PCDHGB2: variants seen among roughly 807,000 people sequenced by gnomAD.
PCDHGB2 encodes the protein protocadherin gamma subfamily B, 2.
PCDHGB2 carries 55 observed loss-of-function variants against 59.3 expected under a neutral mutation model. That is an observed-to-expected ratio of 0.93 (90% confidence interval 0.75 to 1.16). PCDHGB2 has a LOEUF of 1.16. Ranked by LOEUF, PCDHGB2 falls within the 50% of genes most tolerant of loss-of-function variation. The probability of loss-of-function intolerance (pLI) is 0.00; values close to 1 mark genes in which losing one functional copy is unlikely to be tolerated. For synonymous variants in PCDHGB2, 516 were observed against 512.0 expected, an observed-to-expected ratio of 1.01 and a Z score of -0.11; for missense variants, 1,228 against 1,198.5, an observed-to-expected ratio of 1.02 and a Z score of -0.36.
At chr5:141,374,243 C>T in intron 1 of PCDHGB2, 1 of 1,614,000 alleles carries the variant, frequency 6.2e-7, no homozygotes, top group East Asian at 2.2e-5. Context: ...GGATCTGGGA[C>T]TGGAGCCCCA....
At chr5:141,451,807 G>A (rs896081470) in intron 1 of PCDHGB2, among the ~76,000 whole-genome samples, 5 of 150,778 alleles carry the variant, frequency 3.3e-5, no homozygotes, top group African/African-American at 1.2e-4. Flanking sequence ...CTTGAACCCA[G>A]GAGGCGGAGG....
rs1485669709 is a variant in PCDHGB2 at position 141,432,989 on chromosome 5, G to A, written c.2422-61818G>A. On this transcript the variant is annotated intron_variant, in intron 1 of 3. Coordinates refer to ENST00000522605, the MANE Select transcript of PCDHGB2 (RefSeq NM_018923.3). The surrounding 1 kb of genome is among the most constrained non-coding windows in gnomAD (Gnocchi z 6.0). ...GCCGGCGTCGCACTTTGTGGGCGTG[G>A]ACGGGGTGCAGGCTTTCCTGCAGAC... The A allele has an allele frequency of 1.9e-6, 3 of 1,614,210 alleles. No individual in the cohort carries two copies. The highest frequency in any genetic ancestry group is 1.3e-5 in the African/African-American group (1 of 75,066).
intron 1 of PCDHGB2, chr5:141,400,143 T>G: frequency 6.2e-7 from 1 of 1,614,104 alleles, no homozygotes; most frequent in Non-Finnish European, 8.5e-7. Context: ...CGGATATCAC[T>G]GACCGCCCTG....
intron 1 of PCDHGB2, chr5:141,395,523 C>A: frequency 7.5e-6 from 3 of 400,150 alleles, no homozygotes; most frequent in Non-Finnish European, 1.3e-5. Flanking sequence ...CCCGTCCATA[C>A]TGGTAATTTT....
Position 141,389,842 on chromosome 5 carries a change from C to G in PCDHGB2, c.2421+27286C>G, listed in dbSNP as rs779733638. The G allele has an allele frequency of 3.7e-6, 6 of 1,613,900 alleles. No individual in the cohort carries two copies. In the Admixed American group the frequency reaches 8.3e-5, roughly 22 times the overall value. ...CGTGACGGTGGACAGCCACCACTCT[C>G]GGCCACTGCCACGTTGCACCTGGTC... On this transcript the variant is annotated intron_variant, in intron 1 of 3. Coordinates refer to ENST00000522605, the MANE Select transcript of PCDHGB2 (RefSeq NM_018923.3).
intron 1 of PCDHGB2, chr5:141,408,972 CT>C (rs1404896464): frequency 6.2e-7 from 1 of 1,613,870 alleles, no homozygotes; most frequent in Middle Eastern, 1.6e-4. Flanking sequence ...AATCTGCCCC[CT>C]GGGTCCCCTG....
chr5:141,393,019 G>A (rs1415257415), intron 1 of PCDHGB2: 1 of 1,613,746 alleles, frequency 6.2e-7, no homozygotes, highest in African/African-American at 1.3e-5. Flanking sequence ...ATCGTCTCCA[G>A]AGGTAGGACG....
In PCDHGB2 at chr5:141,472,816, G is replaced by A. The variant is rs1186234004; in HGVS notation, c.2422-21991G>A. On this transcript the variant is annotated intron_variant, in intron 1 of 3. Transcript: ENST00000522605. ...GCCTGACCAACATGGAGAAACCCCC[G>A]TCTCTACTAAAAATAGAAAATTAGC... 4.6e-5 allele frequency among the ~76,000 whole-genome samples: 7 copies of A among 151,374 alleles called. No individual in the cohort carries two copies. In the South Asian group the frequency reaches 6.2e-4, roughly 14 times the overall value.
rs375260597 is a variant in PCDHGB2 at position 141,388,655 on chromosome 5, G to C, written c.2421+26099G>C. On this transcript the variant is annotated intron_variant, in intron 1 of 3. Coordinates refer to ENST00000522605, the MANE Select transcript of PCDHGB2 (RefSeq NM_018923.3). Reference sequence around the variant, plus strand: ...TGAGCCTTTCAGAAAACGTGTACCCGGGGACCACGGTGCTACAGGTGACTG... The same window carrying C: ...TGAGCCTTTCAGAAAACGTGTACCCCGGGACCACGGTGCTACAGGTGACTG... The C allele has an allele frequency of 1.9e-6, 3 of 1,613,808 alleles. No individual in the cohort carries two copies. In the African/African-American group the frequency reaches 4.0e-5, roughly 22 times the overall value.
Position 141,361,442 on chromosome 5 carries a change from T to A in PCDHGB2, c.1307T>A (p.Ile436Lys). The change falls in exon 1 of 4, where the codon ATA becomes AAA. Residue 436 changes from isoleucine (I) to lysine (K), a missense_variant. Ile to Lys is a moderately radical substitution (Grantham distance 102, BLOSUM62 -3). Around this residue, in one of 3 missense-constraint regions of PCDHGB2, gnomAD observed 781 missense variants for 721.6 expected, o/e 1.08. Transcript: ENST00000522605. ...DGGKPPLSSS[I>K]IVTLHISDVN... ...GGCAAGCCGCCCCTCTCCTCCAGCATAATTGTCACCCTGCACATCTCCGAC... is the reference window on the plus strand; with the variant it reads ...GGCAAGCCGCCCCTCTCCTCCAGCAAAATTGTCACCCTGCACATCTCCGAC... 1 of 1,613,990 alleles carries A rather than the reference T, an allele frequency of 6.2e-7. No individual in the cohort carries two copies.
chr5:141,449,389 T>C (rs577860793), intron 1 of PCDHGB2, among the ~76,000 whole-genome samples: 5 of 151,964 alleles, frequency 3.3e-5, no homozygotes, highest in African/African-American at 1.2e-4. Flanking sequence ...GGTGGATTAC[T>C]TGAGGCCAGG....
intron 2 of PCDHGB2, among the ~76,000 whole-genome samples, chr5:141,505,172 A>C (rs1336105711): frequency 6.6e-6 from 1 of 152,178 alleles, no homozygotes; most frequent in Non-Finnish European, 1.5e-5. Context: ...AAACAAAAAG[A>C]AAAAAGCATC....
intron 1 of PCDHGB2, chr5:141,382,963 A>T (rs1778642004): frequency 6.2e-7 from 1 of 1,606,674 alleles, no homozygotes. Context: ...CCTCCTGGGG[A>T]CCCCCTGGGA....
chr5:141,470,021 C>T (rs111919483), intron 1 of PCDHGB2, among the ~76,000 whole-genome samples: 8 of 152,156 alleles, frequency 5.3e-5, no homozygotes, highest in African/African-American at 1.9e-4. Flanking sequence ...CCCAGCTACT[C>T]GGGATGCTGA....
chr5:141,404,908 C>T, intron 1 of PCDHGB2: 1 of 1,613,882 alleles, frequency 6.2e-7, no homozygotes, highest in Non-Finnish European at 8.5e-7. Context: ...ATGGCCAGCC[C>T]CCTCTCTCGG....
chr5:141,369,254 T>A (rs1743165923), intron 1 of PCDHGB2, among the ~76,000 whole-genome samples: 1 of 152,160 alleles, frequency 6.6e-6, no homozygotes, highest in Admixed American at 6.5e-5. Flanking sequence ...TTAAATAATA[T>A]AATTATAAGG....
intron 1 of PCDHGB2, chr5:141,442,421 T>G (rs1288481455): frequency 1.3e-5 from 2 of 152,290 alleles, no homozygotes; most frequent in East Asian, 3.9e-4. Flanking sequence ...TGAACTTCTT[T>G]TTTGAATCCC....
At position 141,485,142 on chromosome 5, in the gene PCDHGB2, A is replaced by C. The variant is rs979255582; in HGVS notation, c.2422-9665A>C. 5 of 1,554,566 alleles carry C rather than the reference A, an allele frequency of 3.2e-6. No homozygotes were observed. The highest frequency in any genetic ancestry group is 3.5e-6 in the Non-Finnish European group (4 of 1,131,592). On this transcript the variant is annotated intron_variant, in intron 1 of 3. Transcript: ENST00000522605. The surrounding 1 kb of genome is among the most constrained non-coding windows in gnomAD (Gnocchi z 5.7). ...GGCGGGTCGGCTTCATCCGCGTCTC[A>C]GGAGCAAGTAGAGAATTAGCGGGCG... is the stretch of plus-strand genomic sequence containing the variant.
At chr5:141,413,724 C>T (rs751084568) in intron 1 of PCDHGB2, 2 of 1,613,426 alleles carry the variant, frequency 1.2e-6, no homozygotes, top group East Asian at 2.2e-5. Context: ...AGCACTTCTC[C>T]CTAAGAGTTC....
Sources: gnomAD v4.1 joint callset for allele counts (sites outside exome capture counted in the v4.1 genomes callset) on GRCh38, gnomAD v4.1.1 for gene constraint, gnomAD v4.1.1 regional missense constraint, Gnocchi (gnomAD v3.1) non-coding constraint, MANE v1.5 for transcripts, NCBI Gene and HGNC (gene_info 2026-07-23, HGNC 2026-07-21) for gene names.